ABCA13: variants seen among roughly 807,000 people sequenced by gnomAD.
The protein encoded by ABCA13 is ATP-binding cassette sub-family A member 13.
Under a neutral mutation model 478.7 loss-of-function variants are expected in ABCA13, and 476 were observed. The observed-to-expected ratio is 0.99, with a 90% CI of 0.92 to 1.07. The LOEUF is 1.07. Among genes scored for constraint, ABCA13 ranks in the 50% least tolerant of loss-of-function variants. The pLI is 0.00. For synonymous variants in ABCA13, 2,252 were observed against 2,158.9 expected (o/e 1.04, Z -1.20); for missense variants, 6,060 against 5,910.6 (o/e 1.03, Z -0.83).
intron 43 of ABCA13, among the ~76,000 whole-genome samples, chr7:48,462,581 T>C (rs577518467): frequency 7.2e-5 from 11 of 152,154 alleles, no homozygotes; most frequent in African/African-American, 2.7e-4. Flanking sequence ...TGATCTTGGC[T>C]CACTACAACC....
At chr7:48,498,653 C>G (rs1387319063) in intron 48 of ABCA13, among the ~76,000 whole-genome samples, 1 of 152,110 alleles carries the variant, frequency 6.6e-6, no homozygotes, top group Admixed American at 6.6e-5. Context: ...AGGCTATACT[C>G]CCCACATTCT....
intron 1 of ABCA13, among the ~76,000 whole-genome samples, chr7:48,179,917 G>A (rs866913928): frequency 3.9e-5 from 6 of 152,082 alleles, no homozygotes; most frequent in South Asian, 2.1e-4. Context: ...ACACTCCTGC[G>A]TGACAGAACT....
intron 35 of ABCA13, among the ~76,000 whole-genome samples, chr7:48,380,248 T>G (rs1464355179): frequency 6.6e-6 from 1 of 152,222 alleles, no homozygotes; most frequent in Admixed American, 6.5e-5. Flanking sequence ...TAGTGCATTT[T>G]CTAAATTTCT....
intron 41 of ABCA13, among the ~76,000 whole-genome samples, chr7:48,418,997 G>A (rs1400647123): frequency 6.6e-6 from 1 of 152,214 alleles, no homozygotes; most frequent in African/African-American, 2.4e-5. Flanking sequence ...GATGGAAGGT[G>A]GAAGGCAAAG....
chr7:48,465,072 T>C (rs1317127577), intron 43 of ABCA13, among the ~76,000 whole-genome samples: 6 of 152,158 alleles, frequency 3.9e-5, no homozygotes, highest in African/African-American at 1.4e-4. Context: ...TGGTCTGGGC[T>C]GCGCTGGCTA....
At chr7:48,171,679 G>A in intron 1 of ABCA13, 127 bp downstream of exon 1, 3 of 1,069,750 alleles carry the variant, frequency 2.8e-6, no homozygotes, top group East Asian at 2.6e-5. Flanking sequence ...AATTTGGGGA[G>A]GTTGGATTAT....
At chr7:48,209,687 G>C (rs1785373994) in intron 3 of ABCA13, among the ~76,000 whole-genome samples, 1 of 152,086 alleles carries the variant, frequency 6.6e-6, no homozygotes, top group Admixed American at 6.5e-5. Flanking sequence ...TTCATGGATT[G>C]CAATAATCAA....
rs375686104 is a variant in ABCA13, at chr7:48,516,733, C to A, written c.13649C>A (p.Thr4550Asn). 6.2e-7 allele frequency: 1 copy of A among 1,613,158 alleles called. No homozygotes were observed. The highest frequency in any genetic ancestry group is 1.7e-5 in the Admixed American group (1 of 59,892). The change falls in exon 52 of 62, where the codon ACT (threonine) becomes AAT (asparagine). Residue 4550 changes from threonine to asparagine, a missense_variant. Thr to Asn is a moderately conservative substitution (Grantham distance 65). This residue lies in a region of ABCA13 where 1,627 missense variants were observed against 1,571.0 expected (regional missense o/e 1.04). Transcript: ENST00000435803. ...TTCACTTTACTTTTCAGATATGCAA[C>A]TCTTCCATGGATGTACCTGATGTCC... ...ALLLSLFGYA[T>N]LPWMYLMSRI...
At chr7:48,594,522 T>C (rs1790086522) in intron 57 of ABCA13, among the ~76,000 whole-genome samples, 188 bp from the exon 58 acceptor site, 1 of 152,152 alleles carries the variant, frequency 6.6e-6, no homozygotes, top group African/African-American at 2.4e-5. Context: ...CCCTCACTCA[T>C]TGCTCTCTCA....
intron 5 of ABCA13, among the ~76,000 whole-genome samples, chr7:48,223,507 G>T (rs1787671656): frequency 6.6e-6 from 1 of 152,256 alleles, no homozygotes; most frequent in African/African-American, 2.4e-5. Context: ...AGGAGATGGG[G>T]ATGATCCATT....
intron 51 of ABCA13, among the ~76,000 whole-genome samples, chr7:48,515,997 C>T (rs1340669626): frequency 6.6e-6 from 1 of 151,954 alleles, no homozygotes; most frequent in African/African-American, 2.4e-5. Flanking sequence ...GTGTTGTGAC[C>T]CCATCCGGTG....
chr7:48,454,666 T>G (rs1585393535), intron 42 of ABCA13, among the ~76,000 whole-genome samples: 1 of 152,032 alleles, frequency 6.6e-6, no homozygotes, highest in Admixed American at 6.5e-5. Flanking sequence ...GACCCACACA[T>G]AAGCTGGGGT....
At chr7:48,355,011 A>C (rs935832235) in intron 31 of ABCA13, among the ~76,000 whole-genome samples, 1 of 152,098 alleles carries the variant, frequency 6.6e-6, no homozygotes, top group African/African-American at 2.4e-5. Flanking sequence ...TGAATAAGTA[A>C]AGAAAATAAG....
rs767215412 is a variant in ABCA13, at chr7:48,276,365, A to G, written c.6699A>G (p.Gln2233=). Reference sequence around the variant, plus strand: ...GGAACTTAAATGATACTGACCTTCAAATAATGAATTTCATTAACCTTATCT... The same window carrying G: ...GGAACTTAAATGATACTGACCTTCAGATAATGAATTTCATTAACCTTATCT... The part of the protein sequence containing the change: ...AAWNLNDTDL[Q]IMNFINLILN... Residue 2233 remains glutamine (Q), a synonymous_variant, in exon 17 of 62, where the codon CAA becomes CAG. Transcript: ENST00000435803. The G allele has an allele frequency of 1.3e-6, 2 of 1,548,126 alleles. No homozygotes were observed. The highest frequency in any genetic ancestry group is 1.7e-6 in the Non-Finnish European group (2 of 1,147,942).
chr7:48,317,144 C>A lies in ABCA13; in HGVS notation c.9860-13C>A. ...ATCATTAGCAACTTTTTTTTTCTTT[C>A]TAATTGCAACAGCACCGTTTTGCTT... On this transcript the variant is annotated splice_polypyrimidine_tract_variant and intron_variant, in intron 26 of 61. Coordinates refer to ENST00000435803, the MANE Select transcript of ABCA13 (RefSeq NM_152701.5). 1 of 1,592,598 alleles carries A rather than the reference C, an allele frequency of 6.3e-7. No individual in the cohort carries two copies. The highest frequency in any genetic ancestry group is 1.2e-5 in the South Asian group (1 of 86,008).
In ABCA13 at chr7:48,412,436, C is replaced by G; in HGVS notation, c.12312C>G (p.Leu4104=). 1 of 1,613,190 alleles carries G rather than the reference C, an allele frequency of 6.2e-7. No homozygotes were observed. Among genetic ancestry groups the G allele is most frequent in the Non-Finnish European group, 8.5e-7 (1 of 1,179,734 alleles). The change falls in exon 41 of 62, where the codon CTC becomes CTG. Residue 4104 remains leucine, a synonymous_variant. Transcript: ENST00000435803. ...AGATCTATATTCCACAAGCATTTCTCAAAGACAGCAGTGGAAGTGAGCTGA... is the reference window on the plus strand; with the variant it reads ...AGATCTATATTCCACAAGCATTTCTGAAAGACAGCAGTGGAAGTGAGCTGA... ...LIKIYIPQAF[L]KDSSGSELTY...
intron 50 of ABCA13, among the ~76,000 whole-genome samples, chr7:48,508,952 C>G (rs529233997): frequency 1.3e-5 from 2 of 152,118 alleles, no homozygotes; most frequent in African/African-American, 4.8e-5. Flanking sequence ...TACAATTTAT[C>G]GGGGTCACAC....
At chr7:48,182,062 A>G (rs1384909364) in intron 1 of ABCA13, among the ~76,000 whole-genome samples, 3 of 152,092 alleles carry the variant, frequency 2.0e-5, no homozygotes, top group East Asian at 1.9e-4. Context: ...GGCCACCTCT[A>G]TGGAGGCTGT....
rs1444857477 is a variant in ABCA13 at position 48,275,635 on chromosome 7, C to A, written c.5969C>A (p.Thr1990Lys). The A allele has an allele frequency of 1.2e-6, 2 of 1,605,090 alleles. No individual in the cohort carries two copies. Among genetic ancestry groups the A allele is most frequent in the African/African-American group, 1.3e-5 (1 of 74,672 alleles). Residue 1990 changes from threonine (T) to lysine (K), a missense_variant, in exon 17 of 62, where the codon ACA (threonine) becomes AAA (lysine). Thr to Lys is a moderately conservative substitution (Grantham distance 78). Transcript: ENST00000435803. ...LNKILNINED[T>K]ETSVQNIISS... ...AAGATCCTTAACATTAATGAAGACA[C>A]AGAGACATCTGTTCAAAATATTATT... is the stretch of plus-strand genomic sequence containing the variant.
Sources: gnomAD v4.1 joint callset for allele counts (sites outside exome capture counted in the v4.1 genomes callset) on GRCh38, gnomAD v4.1.1 for gene constraint, gnomAD v4.1.1 regional missense constraint, MANE v1.5 for transcripts, NCBI Gene and HGNC (gene_info 2026-07-23, HGNC 2026-07-21) for gene names.